The following EDA variants were observed in gnomAD, a reference collection of about 807,000 sequenced individuals.
The protein encoded by EDA is ectodysplasin A.
Under a neutral mutation model 23.6 loss-of-function variants are expected in EDA, and 2 were observed. That is an observed-to-expected ratio of 0.08 (90% confidence interval 0.03 to 0.27). EDA has a LOEUF of 0.27. Among genes scored for constraint, EDA ranks in the 10% least tolerant of loss-of-function variants. EDA has a pLI of 1.00. For missense variants in EDA, 229 were observed against 324.2 expected (o/e 0.71, Z 2.26); for synonymous variants, 131 against 132.0 (o/e 0.99, Z 0.05).
chrX:69,634,305 G>T (rs866159906), intron 1 of EDA, among the ~76,000 whole-genome samples: 1 of 111,017 alleles, frequency 9.0e-6, no homozygotes, highest in Non-Finnish European at 1.9e-5. Flanking sequence ...TCTATGTGTT[G>T]TAGTTCTTTA....
intron 1 of EDA, among the ~76,000 whole-genome samples, chrX:69,787,591 C>A (rs1180097767): frequency 1.5e-4 from 16 of 108,646 alleles, no homozygotes; most frequent in African/African-American, 5.3e-4. Flanking sequence ...ATTGAAAATT[C>A]TTTTCTTTAG....
chrX:69,620,392 C>A (rs762904684), intron 1 of EDA: 1 of 112,083 alleles, frequency 8.9e-6, no homozygotes, highest in African/African-American at 3.3e-5. Context: ...TAAAGTTCTA[C>A]AAAACATTGC....
At chrX:69,787,625 T>A (rs1368504785) in intron 1 of EDA, among the ~76,000 whole-genome samples, 1 of 111,078 alleles carries the variant, frequency 9.0e-6, no homozygotes, top group Non-Finnish European at 1.9e-5. Context: ...TGGCCCCCAC[T>A]CTCTTCTGGC....
chrX:69,843,123 A>G (rs1043552877), intron 1 of EDA, among the ~76,000 whole-genome samples: 4 of 112,589 alleles, frequency 3.6e-5, no homozygotes, highest in African/African-American at 1.3e-4. Context: ...GTGCAAACGA[A>G]TATAATTTCT....
chrX:69,711,356 G>T (rs1474448093), intron 1 of EDA, among the ~76,000 whole-genome samples: 1 of 111,551 alleles, frequency 9.0e-6, no homozygotes, highest in African/African-American at 3.3e-5. Flanking sequence ...CTTGATCATG[G>T]TGGATAAGCT....
At chrX:69,822,959 T>C (rs1195805528) in intron 1 of EDA, among the ~76,000 whole-genome samples, 1 of 98,747 alleles carries the variant, frequency 1.0e-5, no homozygotes, top group Non-Finnish European at 2.0e-5. Context: ...TTGTTTTTTG[T>C]TCTTGTGATA....
intron 1 of EDA, among the ~76,000 whole-genome samples, chrX:69,756,014 G>A (rs1259265937): frequency 1.5e-4 from 17 of 111,950 alleles, no homozygotes; most frequent in African/African-American, 2.3e-4. Flanking sequence ...TGAGCTTCCC[G>A]GGTGAGGCGA....
chrX:69,635,218 T>G (rs1932751699), intron 1 of EDA, among the ~76,000 whole-genome samples: 1 of 112,114 alleles, frequency 8.9e-6, no homozygotes. Context: ...AGTTTATATA[T>G]TCTCCCAGTG....
intron 1 of EDA, among the ~76,000 whole-genome samples, chrX:69,788,552 T>C (rs1449624314): frequency 4.5e-5 from 5 of 111,885 alleles, no homozygotes; most frequent in Non-Finnish European, 7.5e-5. Flanking sequence ...TTCCTGGCCG[T>C]GTGAGGTGTC....
chrX:69,815,265 C>T (rs1355857363), intron 1 of EDA, among the ~76,000 whole-genome samples: 1 of 112,244 alleles, frequency 8.9e-6, no homozygotes. Flanking sequence ...AGGTCCCCCA[C>T]AACACAGTAC....
intron 1 of EDA, among the ~76,000 whole-genome samples, chrX:69,949,068 A>G (rs1211671491): frequency 8.9e-6 from 1 of 111,886 alleles, no homozygotes; most frequent in East Asian, 2.8e-4. Context: ...CTGATAGGTC[A>G]TGGATGATGA....
At chrX:69,940,324 A>G (rs2018739287) in intron 1 of EDA, among the ~76,000 whole-genome samples, 1 of 110,939 alleles carries the variant, frequency 9.0e-6, no homozygotes, top group Admixed American at 9.6e-5. Context: ...GGTAGGTTGT[A>G]TGTGTCTAGG....
chrX:69,939,909 A>G (rs973674002), intron 1 of EDA, among the ~76,000 whole-genome samples: 12 of 112,213 alleles, frequency 1.1e-4, no homozygotes, highest in African/African-American at 3.9e-4. Flanking sequence ...GCATATGTTG[A>G]ACCATCCTTG....
chrX:69,867,146 C>T (rs1415424847), intron 1 of EDA, among the ~76,000 whole-genome samples: 1 of 111,929 alleles, frequency 8.9e-6, no homozygotes, highest in African/African-American at 3.3e-5. Context: ...GTGGCTGTAG[C>T]CAGGTCAGCC....
At chrX:69,975,414 C>T (rs1006191375) in intron 2 of EDA, among the ~76,000 whole-genome samples, 2 of 110,546 alleles carry the variant, frequency 1.8e-5, no homozygotes, top group Admixed American at 1.9e-4. Flanking sequence ...AGCTAAACAT[C>T]GGGTACATAT....
chrX:69,729,608 A>T (rs2012944847), intron 1 of EDA, among the ~76,000 whole-genome samples: 1 of 111,890 alleles, frequency 8.9e-6, no homozygotes, highest in South Asian at 3.8e-4. Flanking sequence ...CTTTTAAAAC[A>T]TAAGTCAAAT....
chrX:69,937,265 A>G (rs1441200574), intron 1 of EDA: 5 of 727,295 alleles, frequency 6.9e-6, no homozygotes, highest in Non-Finnish European at 1.1e-5. Context: ...ATTTGGCATC[A>G]TCAGTATGAT....
intron 2 of EDA, among the ~76,000 whole-genome samples, chrX:70,021,664 GGAGAA>G (rs1232265628): frequency 8.9e-6 from 1 of 112,053 alleles, no homozygotes; most frequent in Non-Finnish European, 1.9e-5. Flanking sequence ...GGAGAGGAGA[GGAGAA>G]GAGAGAAGGA....
chrX:69,697,595 T>C (rs891956538), intron 1 of EDA, among the ~76,000 whole-genome samples: 24 of 111,899 alleles, frequency 2.1e-4, no homozygotes, highest in African/African-American at 7.8e-4. Context: ...AGGAACATCA[T>C]CTGGATTGTC....
Sources: allele counts gnomAD v4.1 joint callset (sites outside exome capture counted in the v4.1 genomes callset), GRCh38; gene constraint gnomAD v4.1.1; transcripts MANE v1.5; gene names NCBI Gene and HGNC (gene_info 2026-07-23, HGNC 2026-07-21).